Variants in LCOR observed in about 807,000 individuals in gnomAD.
LCOR encodes ligand-dependent corepressor.
LCOR carries 14 observed loss-of-function variants against 64.4 expected under a neutral mutation model. The observed-to-expected ratio is 0.22, with a 90% CI of 0.14 to 0.34. LCOR has a LOEUF of 0.34. Among genes scored for constraint, LCOR ranks in the 10% least tolerant of loss-of-function variants. The probability of loss-of-function intolerance (pLI) is 1.00; values close to 1 mark genes in which losing one functional copy is unlikely to be tolerated. For synonymous variants in LCOR, 643 were observed against 642.5 expected, an observed-to-expected ratio of 1.00 and a Z score of -0.01; for missense variants, 1,686 against 1,765.3, an observed-to-expected ratio of 0.96 and a Z score of 0.80.
intron 7 of LCOR, chr10:96,956,231 G>T (rs930821547): frequency 3.7e-5 from 38 of 1,030,694 alleles, no homozygotes; most frequent in Middle Eastern, 4.6e-4. Flanking sequence ...ATGCTTTTTT[G>T]TTTTTTTTTG....
Position 96,942,728 on chromosome 10 carries a change from T to A in LCOR, c.-183-1385T>A, listed in dbSNP as rs951894820. ...TTGCAAATATCAGTGGGTATTTTTT[T>A]AAATTTTTGAGGGAATCATTTGTGC... On this transcript the variant is annotated intron_variant, in intron 4 of 7. Coordinates refer to ENST00000421806, the MANE Select transcript of LCOR (RefSeq NM_001346516.2). Among the ~76,000 whole-genome samples, 9 of 152,320 alleles carry A rather than the reference T, an allele frequency of 5.9e-5. No individual in the cohort carries two copies. The East Asian group carries it at 1.4e-3, about 23-fold the overall frequency.
intron 7 of LCOR, chr10:96,957,866 T>C (rs1847810664): frequency 2.0e-6 from 2 of 986,106 alleles, no homozygotes; most frequent in Middle Eastern, 5.2e-4. Context: ...TAACTGAGCC[T>C]GTTTCCTCTT....
At chr10:96,862,272 TTTTTC>T (rs1845899731) in intron 2 of LCOR, among the ~76,000 whole-genome samples, 2 of 152,092 alleles carry the variant, frequency 1.3e-5, no homozygotes, top group African/African-American at 2.4e-5. Context: ...ACATGATTTT[TTTTTC>T]TTTTCTTTGT....
chr10:96,888,771 A>T (rs998707144), intron 2 of LCOR, among the ~76,000 whole-genome samples: 1 of 152,224 alleles, frequency 6.6e-6, no homozygotes, highest in African/African-American at 2.4e-5. Flanking sequence ...ACAACTAAGA[A>T]ACAGAATAGT....
At chr10:96,860,032 T>A (rs1212110426) in intron 2 of LCOR, among the ~76,000 whole-genome samples, 1 of 152,202 alleles carries the variant, frequency 6.6e-6, no homozygotes, top group Admixed American at 6.5e-5. Flanking sequence ...CAGCCTTCAC[T>A]TAAGGGCTTG....
At position 96,857,285 on chromosome 10, in the gene LCOR, C is replaced by G. The variant is rs906407913; in HGVS notation, c.-330+23806C>G. On this transcript the variant is annotated intron_variant, in intron 2 of 7. Coordinates refer to ENST00000421806, the MANE Select transcript of LCOR (RefSeq NM_001346516.2). ...TTATTGAAATAAAAAGAACAGACATCCATTCCCAAAGCCATCCCCTGTACT... is the reference window on the plus strand; with the variant it reads ...TTATTGAAATAAAAAGAACAGACATGCATTCCCAAAGCCATCCCCTGTACT... Among the ~76,000 whole-genome samples the G allele has an allele frequency of 3.3e-5, 5 of 152,112 alleles. No homozygotes were observed. The East Asian group carries it at 7.7e-4, about 23-fold the overall frequency.
At chr10:96,875,376 T>TA (rs541035827) in intron 2 of LCOR, among the ~76,000 whole-genome samples, 48 of 146,392 alleles carry the variant, frequency 3.3e-4, no homozygotes, top group Admixed American at 1.2e-3. Context: ...CTGTCTCAAA[T>TA]AAAAAAAAAA....
At chr10:96,927,077 C>T (rs947173165) in intron 4 of LCOR, among the ~76,000 whole-genome samples, 1 of 151,994 alleles carries the variant, frequency 6.6e-6, no homozygotes, top group Non-Finnish European at 1.5e-5. Context: ...ATATGTTTAA[C>T]GTTATATTAT....
At chr10:96,956,182 C>A in intron 7 of LCOR, 1 of 1,224,524 alleles carries the variant, frequency 8.2e-7, no homozygotes, top group Non-Finnish European at 1.0e-6. Context: ...TCACAGAGAA[C>A]AGATACATGG....
chr10:96,942,458 GGAGGGA>G (rs71007310), intron 4 of LCOR, among the ~76,000 whole-genome samples: 4 of 150,550 alleles, frequency 2.7e-5, no homozygotes, highest in Non-Finnish European at 4.4e-5. Context: ...GAGAGGGAGA[GGAGGGA>G]GAGGGAGAGG....
chr10:96,873,234 G>T (rs1033118628), intron 2 of LCOR, among the ~76,000 whole-genome samples: 1 of 152,192 alleles, frequency 6.6e-6, no homozygotes, highest in African/African-American at 2.4e-5. Context: ...TTCACAGCAG[G>T]AAGTACTGTA....
Position 96,950,057 on chromosome 10 carries a change from T to C in LCOR, c.238+762T>C, listed in dbSNP as rs186543113. Among the ~76,000 whole-genome samples the C allele has an allele frequency of 3.6e-4, 55 of 152,310 alleles. 1 individual carries two copies. Among genetic ancestry groups the C allele is most frequent in the Admixed American group, 3.1e-3 (48 of 15,304 alleles). On this transcript the variant is annotated intron_variant, in intron 6 of 7. Coordinates refer to ENST00000421806, the MANE Select transcript of LCOR (RefSeq NM_001346516.2). ...AATTTCACAAAAATTGAAGCAAGCA[T>C]TTCAACTCAGCCACTGTTTGAACCA...
chr10:96,956,135 T>G, intron 7 of LCOR: 1 of 1,364,020 alleles, frequency 7.3e-7, no homozygotes, highest in East Asian at 2.8e-5. Context: ...ATGTTTGGCC[T>G]TTTGCATGTT....
At chr10:96,959,498 T>C (rs984155663) in intron 7 of LCOR, 1 of 152,208 alleles carries the variant, frequency 6.6e-6, no homozygotes, top group Non-Finnish European at 1.5e-5. Flanking sequence ...TCAAAAACAC[T>C]AATTCTGTGG....
At chr10:96,946,946 A>G (rs1384294209) in intron 5 of LCOR, among the ~76,000 whole-genome samples, 3 of 152,054 alleles carry the variant, frequency 2.0e-5, no homozygotes, top group Non-Finnish European at 2.9e-5. Flanking sequence ...TCTCCCAACT[A>G]TATTCAGGGG....
At position 96,990,200 on chromosome 10, in the gene LCOR, C is replaced by T. The variant is rs1848187946; in HGVS notation, c.*5066C>T. ...TGCCCAGCCCCCAGACAGGGTCTCA[C>T]TCTGTCGCCCCAGGCTGGAGTGCAA... On this transcript the variant is annotated 3_prime_UTR_variant, in exon 8 of 8. Coordinates refer to ENST00000421806, the MANE Select transcript of LCOR (RefSeq NM_001346516.2). The T allele has an allele frequency of 1.3e-5, 2 of 152,268 alleles. No homozygotes were observed. The highest frequency in any genetic ancestry group is 4.1e-4 in the South Asian group (2 of 4,824). The allele number at this position is 152,268 out of a possible 1,614,324, so 9.4% of individuals were successfully genotyped here. A position where few individuals can be genotyped will look rare whatever the true frequency, so the allele number is the denominator to read the frequency against.
chr10:96,899,986 TTA>T lies in LCOR; in HGVS notation c.-329-7276_-329-7275del, dbSNP rs200720186. ...TAAGTGTGCAGTTCACCGATTTTTA[TTA>T]TAGTCACAGAATTATGCAACCATCA... On this transcript the variant is annotated intron_variant, in intron 2 of 7. Coordinates refer to ENST00000421806, the MANE Select transcript of LCOR (RefSeq NM_001346516.2). 3.3e-3 allele frequency among the ~76,000 whole-genome samples: 496 copies of T among 152,280 alleles called. 3 individuals carry two copies. Among genetic ancestry groups the T allele is most frequent in the African/African-American group, 0.011 (477 of 41,568 alleles).
intron 7 of LCOR, among the ~76,000 whole-genome samples, chr10:96,953,749 A>G (rs1358660880): frequency 6.6e-6 from 1 of 152,200 alleles, no homozygotes; most frequent in Non-Finnish European, 1.5e-5. Flanking sequence ...GTTTTGTTTT[A>G]TGGAAGAAAA....
At chr10:96,876,707 G>C (rs1446619349) in intron 2 of LCOR, among the ~76,000 whole-genome samples, 3 of 150,960 alleles carry the variant, frequency 2.0e-5, no homozygotes, top group African/African-American at 7.3e-5. Context: ...TTTTCCTTTT[G>C]AGACGGAGTT....
Sources: allele counts gnomAD v4.1 joint callset (sites outside exome capture counted in the v4.1 genomes callset), GRCh38; gene constraint gnomAD v4.1.1; transcripts MANE v1.5; gene names NCBI Gene and HGNC (gene_info 2026-07-23, HGNC 2026-07-21).